The following FAM53A variants were observed in gnomAD, a reference collection of about 807,000 sequenced individuals.
The protein encoded by FAM53A is protein FAM53A.
FAM53A carries 28 observed loss-of-function variants against 26.6 expected under a neutral mutation model. That is an observed-to-expected ratio of 1.05 (90% confidence interval 0.78 to 1.45). The LOEUF (loss-of-function observed/expected upper bound fraction) is 1.45, where lower values mean the gene tolerates loss of function less well. Among genes scored for constraint, FAM53A ranks in the 40% most tolerant of loss-of-function variants. The probability of loss-of-function intolerance (pLI) is 0.00; values close to 1 mark genes in which losing one functional copy is unlikely to be tolerated. For synonymous variants in FAM53A, 290 were observed against 253.1 expected (o/e 1.15, Z -1.38); for missense variants, 650 against 575.8 (o/e 1.13, Z -1.32).
At chr4:1,672,835 T>C (rs1325710045) in intron 1 of FAM53A, among the ~76,000 whole-genome samples, 1 of 143,360 alleles carries the variant, frequency 7.0e-6, no homozygotes, top group Non-Finnish European at 1.5e-5. Context: ...AGTGGTGTGA[T>C]CTCGGCTCAC....
At chr4:1,647,741 G>T (rs1314392136) in intron 4 of FAM53A, among the ~76,000 whole-genome samples, 1 of 152,250 alleles carries the variant, frequency 6.6e-6, no homozygotes. Flanking sequence ...ACATGAGTGG[G>T]AGTGTGCACC....
chr4:1,641,463 G>A lies in FAM53A; in HGVS notation c.1027C>T (p.Leu343Phe), dbSNP rs527699371. 2.4e-5 allele frequency: 39 copies of A among 1,614,152 alleles called. No homozygotes were observed. Among genetic ancestry groups the A allele is most frequent in the South Asian group, 1.5e-4 (14 of 91,090 alleles). Residue 343 changes from leucine to phenylalanine, a missense_variant, in exon 5 of 5, where the codon CTC becomes TTC. Leu to Phe is a conservative substitution (Grantham distance 22). Transcript: ENST00000308132. ...TTGGGGTGGACAGGGCTGGTCCTGA[G>A]GCCCCTCTGGCTGCAGCCAGGCATG... is the stretch of plus-strand genomic sequence containing the variant. Reference protein sequence around the residue: ...ITMPGCSQRGLRTSPVHPNLW... With the variant: ...ITMPGCSQRGFRTSPVHPNLW...
chr4:1,656,807 C>T (rs1269146791), intron 3 of FAM53A, among the ~76,000 whole-genome samples: 4 of 152,186 alleles, frequency 2.6e-5, no homozygotes, highest in Non-Finnish European at 2.9e-5. Flanking sequence ...CTCTGCGTGA[C>T]ACAGGGCGCT....
In FAM53A at chr4:1,655,242, C is replaced by T. The variant is rs773123874; in HGVS notation, c.618G>A (p.Pro206=). Residue 206 remains proline (P), a synonymous_variant, in exon 4 of 5, where the codon CCG becomes CCA. Coordinates refer to ENST00000308132, the MANE Select transcript of FAM53A (RefSeq NM_001174070.3). ...AGCAGGACTCCGCGGAACACCAGAG[C>T]GGGCCTGAGCCCGCACTGCCCTCGC... ...DSSEGSAGSG[P]LWCSAESCLP... 6.0e-6 allele frequency: 9 copies of T among 1,504,834 alleles called. No homozygotes were observed. The highest frequency in any genetic ancestry group is 7.9e-6 in the Non-Finnish European group (9 of 1,137,362). 93.2% of individuals were successfully genotyped at this position (1,504,834 alleles called of 1,614,324 possible).
chr4:1,589,359 C>T, the FAM53A span, among the ~76,000 whole-genome samples: 3 of 152,230 alleles, frequency 2.0e-5, 1 homozygote, highest in Admixed American at 2.0e-4. Context: ...TAGAAACATA[C>T]ACTTGGGGTT....
chr4:1,650,179 G>A (rs1253035278), intron 4 of FAM53A, among the ~76,000 whole-genome samples: 3 of 124,884 alleles, frequency 2.4e-5, no homozygotes, highest in Non-Finnish European at 3.3e-5. Flanking sequence ...TGGCACAGGC[G>A]TGGCGTTTGA....
intron 4 of FAM53A, among the ~76,000 whole-genome samples, chr4:1,643,567 A>AT (rs71167742): frequency 0.32 from 45,325 of 140,650 alleles, 7,496 homozygotes; most frequent in Middle Eastern, 0.49. Context: ...CTAAAGAATA[A>AT]TTTTTTTTTT....
At position 1,650,766 on chromosome 4, in the gene FAM53A, G is replaced by A. The variant is rs113146839; in HGVS notation, c.882+4212C>T. 6.6e-5 allele frequency among the ~76,000 whole-genome samples: 10 copies of A among 151,426 alleles called. 2 individuals carry two copies. Among genetic ancestry groups the A allele is most frequent in the African/African-American group, 2.2e-4 (9 of 41,348 alleles). ...CCGCCTCAGCCTCCCAAGGTGCTGG[G>A]ATTACAGGCGTGAGCCAGTACACCC... On this transcript the variant is annotated intron_variant, in intron 4 of 4. Transcript: ENST00000308132.
In FAM53A at chr4:1,641,548, G is replaced by A. The variant is rs780589265; in HGVS notation, c.942C>T (p.Asp314=). ...AGGACAGAACCGTCTTCACTGGGGT[G>A]TCATCCTCATCGTCATCTTCGTAAT... ...SLNYEDDDED[D]TPVKTVLSSP... is the part of the protein sequence containing the mutation. The change falls in exon 5 of 5, where the codon GAC becomes GAT. Residue 314 remains aspartate (D), a synonymous_variant. Transcript: ENST00000308132. The A allele has an allele frequency of 6.2e-6, 10 of 1,614,096 alleles. No homozygotes were observed. The highest frequency in any genetic ancestry group is 8.5e-6 in the Non-Finnish European group (10 of 1,180,036).
Position 1,654,989 on chromosome 4 carries a change from T to G in FAM53A, c.871A>C (p.Lys291Gln), listed in dbSNP as rs770363989. The change falls in exon 4 of 5, where the codon AAA becomes CAA. Residue 291 changes from lysine to glutamine, a missense_variant. Lys to Gln is a moderately conservative substitution (Grantham distance 53). Transcript: ENST00000308132. ...RWTRPSLDFL[K>Q]MTQTLKNSKS... Reference sequence around the variant, plus strand: ...TAAGAAAGCCTCACCTGGGTCATTTTCAGGAAGTCCAAGGATGGGCGTGTC... The same window carrying G: ...TAAGAAAGCCTCACCTGGGTCATTTGCAGGAAGTCCAAGGATGGGCGTGTC... 1 of 1,522,772 alleles carries G rather than the reference T, an allele frequency of 6.6e-7. No individual in the cohort carries two copies. Among genetic ancestry groups the G allele is most frequent in the South Asian group, 1.3e-5 (1 of 77,416 alleles). The allele number at this position is 1,522,772 out of a possible 1,614,324, so 94.3% of individuals were successfully genotyped here. A position where few individuals can be genotyped will look rare whatever the true frequency, so the allele number is the denominator to read the frequency against.
the FAM53A span, among the ~76,000 whole-genome samples, chr4:1,575,974 C>A: frequency 6.6e-6 from 1 of 152,140 alleles, no homozygotes; most frequent in African/African-American, 2.4e-5. Context: ...AATTCCACAC[C>A]CCCCACCTGC....
chr4:1,641,356 C>T lies in FAM53A; in HGVS notation c.1134G>A (p.Gly378=). Residue 378 remains glycine (G), a synonymous_variant, in exon 5 of 5, where the codon GGG becomes GGA. Coordinates refer to ENST00000308132, the MANE Select transcript of FAM53A (RefSeq NM_001174070.3). ...SGDPRDGDSV[G]EEGVFPRARW... ...GGGCCCGGGGGAAGACGCCCTCCTC[C>T]CCGACACTGTCCCCATCACGGGGGT... is the stretch of plus-strand genomic sequence containing the variant. The T allele has an allele frequency of 6.2e-7, 1 of 1,611,562 alleles. No homozygotes were observed. Among genetic ancestry groups the T allele is most frequent in the Non-Finnish European group, 8.5e-7 (1 of 1,179,356 alleles).
chr4:1,649,835 G>A (rs1311480365), intron 4 of FAM53A, among the ~76,000 whole-genome samples: 1 of 150,192 alleles, frequency 6.7e-6, no homozygotes, highest in African/African-American at 2.4e-5. Context: ...TTGTGAGGTG[G>A]CTCAGGTGTG....
rs773123874 is a variant in FAM53A, at chr4:1,655,242, C to G, written c.618G>C (p.Pro206=). Reference sequence around the variant, plus strand: ...AGCAGGACTCCGCGGAACACCAGAGCGGGCCTGAGCCCGCACTGCCCTCGC... The same window carrying G: ...AGCAGGACTCCGCGGAACACCAGAGGGGGCCTGAGCCCGCACTGCCCTCGC... The part of the protein sequence containing the change: ...DSSEGSAGSG[P]LWCSAESCLP... Residue 206 remains proline (P), a synonymous_variant, in exon 4 of 5, where the codon CCG becomes CCC. Coordinates refer to ENST00000308132, the MANE Select transcript of FAM53A (RefSeq NM_001174070.3). 8.6e-6 allele frequency: 13 copies of G among 1,504,722 alleles called. No individual in the cohort carries two copies. The Admixed American group carries it at 3.0e-4, about 34-fold the overall frequency. 93.2% of individuals were successfully genotyped at this position (1,504,722 alleles called of 1,614,324 possible). A position where few individuals can be genotyped will look rare whatever the true frequency, so the allele number is the denominator to read the frequency against.
At chr4:1,652,981 TAC>T (rs1204371108) in intron 4 of FAM53A, among the ~76,000 whole-genome samples, 2 of 131,594 alleles carry the variant, frequency 1.5e-5, no homozygotes, top group African/African-American at 2.9e-5. Flanking sequence ...CTACACCACA[TAC>T]ACACAACACA....
At chr4:1,610,788 G>A in the FAM53A span, among the ~76,000 whole-genome samples, 2 of 152,060 alleles carry the variant, frequency 1.3e-5, no homozygotes, top group Non-Finnish European at 2.9e-5. Context: ...GACAGGGCAG[G>A]GCAGCCAGAC....
At chr4:1,638,629 T>C (rs1243540405), downstream of FAM53A, among the ~76,000 whole-genome samples, 2 of 151,966 alleles carry the variant, frequency 1.3e-5, no homozygotes. Context: ...AGTCCAAGGG[T>C]TGCAGGCAGG....
the FAM53A span, among the ~76,000 whole-genome samples, chr4:1,600,102 G>A: frequency 1.3e-5 from 2 of 151,904 alleles, no homozygotes; most frequent in East Asian, 1.9e-4. Flanking sequence ...TCCTCCCCTC[G>A]CCAGAGTCCA....
At chr4:1,604,228 C>T in the FAM53A span, among the ~76,000 whole-genome samples, 2 of 152,182 alleles carry the variant, frequency 1.3e-5, no homozygotes, top group Admixed American at 6.5e-5. Flanking sequence ...GAAGAAGGCT[C>T]GAGGCTGCCG....
Sources: gnomAD v4.1 joint callset for allele counts (sites outside exome capture counted in the v4.1 genomes callset) on GRCh38, gnomAD v4.1.1 for gene constraint, MANE v1.5 for transcripts, NCBI Gene and HGNC (gene_info 2026-07-23, HGNC 2026-07-21) for gene names.